The following HS6ST3 variants were observed in gnomAD, a reference collection of about 807,000 sequenced individuals.
The protein encoded by HS6ST3 is heparan sulfate 6-O-sulfotransferase 3, also known as heparan-sulfate 6-O-sulfotransferase 3.
HS6ST3 carries 12 observed loss-of-function variants against 36.7 expected under a neutral mutation model. The observed-to-expected ratio is 0.33, with a 90% CI of 0.21 to 0.53. The LOEUF (loss-of-function observed/expected upper bound fraction) is 0.53. HS6ST3 is among the 20% of genes least tolerant of loss of function. HS6ST3 has a pLI of 0.95. For synonymous variants in HS6ST3, 240 were observed against 257.5 expected (o/e 0.93, Z 0.65); for missense variants, 584 against 640.9 (o/e 0.91, Z 0.96).
chr13:96,441,532 C>T (rs987390251), intron 1 of HS6ST3, among the ~76,000 whole-genome samples: 1 of 152,036 alleles, frequency 6.6e-6, no homozygotes, highest in Non-Finnish European at 1.5e-5. Context: ...TGAAAGTCTT[C>T]AGCATTACAG....
chr13:96,387,324 T>C (rs549915110), intron 1 of HS6ST3, among the ~76,000 whole-genome samples: 2 of 152,320 alleles, frequency 1.3e-5, no homozygotes, highest in African/African-American at 4.8e-5. Flanking sequence ...ATGACTCTGA[T>C]TTTTAAGTTA....
chr13:96,365,928 A>G (rs1288208912), intron 1 of HS6ST3, among the ~76,000 whole-genome samples: 3 of 152,182 alleles, frequency 2.0e-5, no homozygotes, highest in Non-Finnish European at 2.9e-5. Flanking sequence ...TAAAAATAAG[A>G]ATTTTAGTAA....
intron 1 of HS6ST3, among the ~76,000 whole-genome samples, chr13:96,296,817 C>T (rs1179698219): frequency 2.6e-5 from 4 of 152,048 alleles, no homozygotes; most frequent in African/African-American, 9.7e-5. Context: ...AACATTTCCA[C>T]CAATTTTGCT....
chr13:96,538,123 C>T (rs187844416), intron 1 of HS6ST3, among the ~76,000 whole-genome samples: 5 of 152,234 alleles, frequency 3.3e-5, no homozygotes, highest in South Asian at 2.1e-4. Context: ...GACCCAAACA[C>T]GAATTAGAGC....
At chr13:96,411,091 G>T (rs2055505151) in intron 1 of HS6ST3, among the ~76,000 whole-genome samples, 1 of 152,116 alleles carries the variant, frequency 6.6e-6, no homozygotes, top group Non-Finnish European at 1.5e-5. Context: ...ACCACCTAGG[G>T]TTCAAAATAT....
At chr13:96,607,703 G>A (rs1489426747) in intron 1 of HS6ST3, among the ~76,000 whole-genome samples, 1 of 152,124 alleles carries the variant, frequency 6.6e-6, no homozygotes, top group Non-Finnish European at 1.5e-5. Flanking sequence ...TGAGACTATT[G>A]TGTATATAAT....
intron 1 of HS6ST3, among the ~76,000 whole-genome samples, chr13:96,480,371 T>C (rs531373411): frequency 2.0e-5 from 3 of 152,132 alleles, no homozygotes; most frequent in Non-Finnish European, 2.9e-5. Flanking sequence ...GCCTCGACCT[T>C]CCAAAGAGCT....
intron 1 of HS6ST3, among the ~76,000 whole-genome samples, chr13:96,367,274 A>C (rs960008073): frequency 2.0e-5 from 3 of 152,192 alleles, no homozygotes; most frequent in African/African-American, 7.2e-5. Flanking sequence ...GTAACCCTGA[A>C]ATTATATTTC....
At chr13:96,736,440 A>G (rs543981864) in intron 1 of HS6ST3, among the ~76,000 whole-genome samples, 135 of 152,354 alleles carry the variant, frequency 8.9e-4, no homozygotes, top group African/African-American at 3.0e-3. Flanking sequence ...GTATCTAATC[A>G]TCAAATAATG....
chr13:96,485,441 G>A (rs546223559), intron 1 of HS6ST3, among the ~76,000 whole-genome samples: 2 of 152,070 alleles, frequency 1.3e-5, no homozygotes, highest in Non-Finnish European at 2.9e-5. Context: ...CTTGTATCCT[G>A]CAACCTTGCT....
intron 1 of HS6ST3, among the ~76,000 whole-genome samples, chr13:96,609,638 G>C (rs541976860): frequency 1.3e-5 from 2 of 152,132 alleles, no homozygotes; most frequent in African/African-American, 2.4e-5. Context: ...CTCCCATCTT[G>C]TGCCAGATGA....
At chr13:96,629,113 A>T (rs1205715471) in intron 1 of HS6ST3, among the ~76,000 whole-genome samples, 1 of 152,086 alleles carries the variant, frequency 6.6e-6, no homozygotes, top group Admixed American at 6.6e-5. Context: ...TTTACTGTGG[A>T]TATGCTAAAA....
chr13:96,325,282 A>G (rs1416723848), intron 1 of HS6ST3, among the ~76,000 whole-genome samples: 2 of 152,166 alleles, frequency 1.3e-5, no homozygotes, highest in Non-Finnish European at 2.9e-5. Context: ...GCGTTTTCTA[A>G]GGTAAGGAAA....
intron 1 of HS6ST3, among the ~76,000 whole-genome samples, chr13:96,468,810 T>C (rs925191353): frequency 2.6e-5 from 4 of 152,138 alleles, no homozygotes; most frequent in Admixed American, 6.5e-5. Flanking sequence ...AAACATAAAA[T>C]ATAACAGCTC....
intron 1 of HS6ST3, among the ~76,000 whole-genome samples, chr13:96,406,692 A>G (rs540081892): frequency 6.6e-6 from 1 of 152,316 alleles, no homozygotes; most frequent in East Asian, 1.9e-4. Context: ...AAAGAGCAAC[A>G]GTGGCAACTC....
At chr13:96,782,374 T>C (rs1442012482) in intron 1 of HS6ST3, among the ~76,000 whole-genome samples, 2 of 152,184 alleles carry the variant, frequency 1.3e-5, no homozygotes, top group Non-Finnish European at 2.9e-5. Context: ...TCTTTGTTCC[T>C]AATCGGGTTT....
At chr13:96,602,343 T>C (rs1287174907) in intron 1 of HS6ST3, among the ~76,000 whole-genome samples, 1 of 152,200 alleles carries the variant, frequency 6.6e-6, no homozygotes, top group Non-Finnish European at 1.5e-5. Flanking sequence ...TTTTCCTGAT[T>C]GTTCTTGATC....
At chr13:96,587,814 G>A (rs1275510898) in intron 1 of HS6ST3, among the ~76,000 whole-genome samples, 2 of 152,018 alleles carry the variant, frequency 1.3e-5, no homozygotes, top group African/African-American at 4.8e-5. Flanking sequence ...ATTTTGGTGG[G>A]GACAAATTAT....
intron 1 of HS6ST3, among the ~76,000 whole-genome samples, chr13:96,699,295 C>T (rs1875218490): frequency 6.6e-6 from 1 of 152,148 alleles, no homozygotes; most frequent in Non-Finnish European, 1.5e-5. Flanking sequence ...AAAGAAACTA[C>T]CATCAGAATT....
Sources: allele counts gnomAD v4.1 joint callset (sites outside exome capture counted in the v4.1 genomes callset), GRCh38; gene constraint gnomAD v4.1.1; transcripts MANE v1.5; gene names NCBI Gene and HGNC (gene_info 2026-07-23, HGNC 2026-07-21).